Variants in ATAD1 observed in about 807,000 individuals in gnomAD.
The protein encoded by ATAD1 is ATPase family AAA domain containing 1.
In ATAD1, 18 loss-of-function variants were observed where a neutral mutation model predicts 42.7. The ratio of observed to expected loss-of-function variants is 0.42; its 90% CI spans 0.29 to 0.63. ATAD1 has a LOEUF of 0.63. Among genes scored for constraint, ATAD1 ranks in the 20% least tolerant of loss-of-function variants. The pLI is 0.19. For synonymous variants in ATAD1, 132 were observed against 143.1 expected, an observed-to-expected ratio of 0.92 and a Z score of 0.55; for missense variants, 294 against 440.4, an observed-to-expected ratio of 0.67 and a Z score of 2.98.
intron 7 of ATAD1, among the ~76,000 whole-genome samples, chr10:87,769,261 A>G (rs1854915713): frequency 6.6e-6 from 1 of 152,208 alleles, no homozygotes; most frequent in Non-Finnish European, 1.5e-5. Flanking sequence ...ACCCAGAAGC[A>G]GTCTACCTTT....
Position 87,791,921 on chromosome 10 carries a change from T to C in ATAD1, c.261+736A>G, listed in dbSNP as rs551398657. Among the ~76,000 whole-genome samples, 8 of 152,342 alleles carry C rather than the reference T, an allele frequency of 5.3e-5. No individual in the cohort carries two copies. In the South Asian group the frequency reaches 1.7e-3, roughly 32 times the overall value. On this transcript the variant is annotated intron_variant, in intron 3 of 9. Transcript: ENST00000680024. Reference sequence around the variant, plus strand: ...TTGCCAAGGCCATTAATGGAAAACCTGGGATTTAGTATCCTGTGTTATCAT... The same window carrying C: ...TTGCCAAGGCCATTAATGGAAAACCCGGGATTTAGTATCCTGTGTTATCAT...
At chr10:87,756,262 C>T (rs966833329) in intron 9 of ATAD1, among the ~76,000 whole-genome samples, 1 of 152,166 alleles carries the variant, frequency 6.6e-6, no homozygotes, top group Non-Finnish European at 1.5e-5. Flanking sequence ...CAGTATAATA[C>T]TGGTTCCAGG....
chr10:87,816,430 G>C (rs1589562999), intron 1 of ATAD1, among the ~76,000 whole-genome samples: 1 of 152,244 alleles, frequency 6.6e-6, no homozygotes, highest in East Asian at 1.9e-4. Flanking sequence ...CTTTGGCCTA[G>C]GGATGGTAAA....
In ATAD1 at chr10:87,815,633, T is replaced by C. The variant is rs144085450; in HGVS notation, c.-13-1021A>G. Reference sequence around the variant, plus strand: ...ATCCATGGTCCTTCCAGCTCTAAAATTCTCCTCTCACTACTACTAAATTAA... The same window carrying C: ...ATCCATGGTCCTTCCAGCTCTAAAACTCTCCTCTCACTACTACTAAATTAA... On this transcript the variant is annotated intron_variant, in intron 1 of 9. Transcript: ENST00000680024. Among the ~76,000 whole-genome samples the C allele has an allele frequency of 1.7e-4, 26 of 152,050 alleles. No individual in the cohort carries two copies. The East Asian group carries it at 4.6e-3, about 27-fold the overall frequency.
At position 87,784,559 on chromosome 10, in the gene ATAD1, T is replaced by TTATC. The variant is rs763296434; in HGVS notation, c.490_493dup (p.Lys165ArgfsTer2). On this transcript the variant is annotated stop_gained and frameshift_variant, in exon 5 of 10. Coordinates refer to ENST00000680024, the MANE Select transcript of ATAD1 (RefSeq NM_001321967.2). LOFTEE classifies it high-confidence loss of function. ...CAATTTCTGAGATTCTCCATACCAC[T>TTATC]TATCGGTCAGTGTCGAAGGCTGAAG... 1 of 1,613,774 alleles carries TTATC rather than the reference T, an allele frequency of 6.2e-7. No homozygotes were observed. The highest frequency in any genetic ancestry group is 1.7e-5 in the Admixed American group (1 of 60,014).
intron 2 of ATAD1, among the ~76,000 whole-genome samples, chr10:87,793,879 A>G (rs774924179): frequency 2.0e-5 from 3 of 152,094 alleles, no homozygotes; most frequent in Non-Finnish European, 4.4e-5. Context: ...CACATCACAC[A>G]GCATTTTAGT....
At chr10:87,815,790 G>A (rs975726746) in intron 1 of ATAD1, among the ~76,000 whole-genome samples, 22 of 151,942 alleles carry the variant, frequency 1.4e-4, no homozygotes, top group Admixed American at 8.5e-4. Context: ...TCCTTTATAC[G>A]TTTCCCAAGC....
chr10:87,771,163 C>A, intron 6 of ATAD1, 122 bp from the exon 7 acceptor site: 3 of 650,496 alleles, frequency 4.6e-6, no homozygotes, highest in South Asian at 2.6e-5. Context: ...TGTAAGAAAT[C>A]TGATTTTAAA....
At chr10:87,795,013 G>C (rs1243944409) in intron 2 of ATAD1, among the ~76,000 whole-genome samples, 1 of 152,136 alleles carries the variant, frequency 6.6e-6, no homozygotes, top group Non-Finnish European at 1.5e-5. Flanking sequence ...CTAGCACTGT[G>C]CTAGGTAATT....
At chr10:87,813,826 A>G (rs1324896353) in intron 2 of ATAD1, among the ~76,000 whole-genome samples, 2 of 152,058 alleles carry the variant, frequency 1.3e-5, no homozygotes, top group Non-Finnish European at 2.9e-5. Flanking sequence ...TTGTTTAAAA[A>G]AAAAGAGCCA....
chr10:87,807,440 A>G (rs1856977414), intron 2 of ATAD1, among the ~76,000 whole-genome samples: 1 of 152,164 alleles, frequency 6.6e-6, no homozygotes, highest in South Asian at 2.1e-4. Context: ...ACTGTTCCAC[A>G]TTCTCTCCAG....
intron 2 of ATAD1, among the ~76,000 whole-genome samples, chr10:87,799,604 G>C (rs1294543224): frequency 6.6e-6 from 1 of 152,124 alleles, no homozygotes; most frequent in Non-Finnish European, 1.5e-5. Context: ...TTATGATTTT[G>C]CAATGGTGGT....
At chr10:87,813,822 A>T (rs985659225) in intron 2 of ATAD1, among the ~76,000 whole-genome samples, 8 of 151,144 alleles carry the variant, frequency 5.3e-5, no homozygotes, top group East Asian at 1.9e-4. Context: ...ATTATTGTTT[A>T]AAAAAAAAGA....
chr10:87,810,918 C>G (rs1857146794), intron 2 of ATAD1, among the ~76,000 whole-genome samples: 1 of 152,174 alleles, frequency 6.6e-6, no homozygotes, highest in South Asian at 2.1e-4. Context: ...ATCATAAAAA[C>G]AGAATTCAGC....
At chr10:87,761,778 C>T (rs12413371) in intron 8 of ATAD1, among the ~76,000 whole-genome samples, 44,497 of 151,684 alleles carry the variant, frequency 0.29, 6,714 homozygotes, top group Middle Eastern at 0.31. Context: ...CCTCTTATTT[C>T]TTTTTTAGAG....
intron 2 of ATAD1, among the ~76,000 whole-genome samples, chr10:87,810,759 TTAAAC>T (rs1463725213): frequency 1.1e-4 from 17 of 152,220 alleles, no homozygotes; most frequent in Admixed American, 9.2e-4. Flanking sequence ...ATTTCTCTCT[TTAAAC>T]TATTCATCTT....
chr10:87,807,404 T>G (rs1856976183), intron 2 of ATAD1, among the ~76,000 whole-genome samples: 1 of 152,174 alleles, frequency 6.6e-6, no homozygotes, highest in Non-Finnish European at 1.5e-5. Context: ...CTAATTTATA[T>G]TCCCAACAGC....
chr10:87,760,290 T>TCC (rs1406691740), intron 8 of ATAD1, among the ~76,000 whole-genome samples: 1 of 152,016 alleles, frequency 6.6e-6, no homozygotes, highest in East Asian at 1.9e-4. Flanking sequence ...GGGACAGACT[T>TCC]CCCCCTTGTT....
At chr10:87,806,294 C>CT (rs1245300624) in intron 2 of ATAD1, among the ~76,000 whole-genome samples, 1 of 150,640 alleles carries the variant, frequency 6.6e-6, no homozygotes, top group Non-Finnish European at 1.5e-5. Flanking sequence ...TTTTTAAGTT[C>CT]TTACAGTGCT....
Sources: allele counts gnomAD v4.1 joint callset (sites outside exome capture counted in the v4.1 genomes callset), GRCh38; gene constraint gnomAD v4.1.1; transcripts MANE v1.5; gene names NCBI Gene and HGNC (gene_info 2026-07-23, HGNC 2026-07-21).